The following NCKAP5 variants were observed in gnomAD, a reference collection of about 807,000 sequenced individuals.
The protein encoded by NCKAP5 is nck-associated protein 5.
In NCKAP5, 92 loss-of-function variants were observed where a neutral mutation model predicts 167.0. The ratio of observed to expected loss-of-function variants is 0.55; its 90% confidence interval spans 0.47 to 0.66. The LOEUF is 0.66. NCKAP5 is among the 30% of genes least tolerant of loss of function. The pLI, the probability that NCKAP5 is intolerant of heterozygous loss-of-function variation, is 0.00. For synonymous variants in NCKAP5, 891 were observed against 877.4 expected (o/e 1.02, Z -0.27); for missense variants, 2,378 against 2,315.0 (o/e 1.03, Z -0.56).
At chr2:133,447,115 T>G (rs1417235326) in intron 3 of NCKAP5, among the ~76,000 whole-genome samples, 1 of 152,130 alleles carries the variant, frequency 6.6e-6, no homozygotes, top group Non-Finnish European at 1.5e-5. Context: ...TATGGCTTCA[T>G]GGGAGGAACA....
chr2:132,993,798 G>A (rs750539265), intron 7 of NCKAP5, among the ~76,000 whole-genome samples: 9 of 152,134 alleles, frequency 5.9e-5, no homozygotes, highest in Non-Finnish European at 8.8e-5. Context: ...CACCTCCTCA[G>A]CCAAGATGAG....
chr2:132,793,799 C>A (rs139200827), intron 12 of NCKAP5, among the ~76,000 whole-genome samples: 3,702 of 152,166 alleles, frequency 0.024, 67 homozygotes, highest in Non-Finnish European at 0.039. Context: ...GAGGAGGCGG[C>A]CACTCTTTTC....
intron 6 of NCKAP5, among the ~76,000 whole-genome samples, chr2:132,995,147 G>A (rs1204634177): frequency 6.6e-5 from 10 of 151,940 alleles, no homozygotes; most frequent in African/African-American, 2.2e-4. Flanking sequence ...TCTAAACACT[G>A]CAAACTTACA....
intron 3 of NCKAP5, among the ~76,000 whole-genome samples, chr2:133,504,583 C>T (rs2151397755): frequency 6.6e-6 from 1 of 152,122 alleles, no homozygotes; most frequent in African/African-American, 2.4e-5. Flanking sequence ...TTTTGGCATG[C>T]TTATGTAGGT....
chr2:133,157,229 C>A (rs762871209), intron 5 of NCKAP5, among the ~76,000 whole-genome samples: 3 of 152,172 alleles, frequency 2.0e-5, no homozygotes, highest in Non-Finnish European at 4.4e-5. Flanking sequence ...AACAAGCGGG[C>A]CCATCAAATG....
At chr2:132,800,981 A>T (rs73955904) in intron 11 of NCKAP5, among the ~76,000 whole-genome samples, 8,346 of 152,184 alleles carry the variant, frequency 0.055, 449 homozygotes, top group East Asian at 0.13. Context: ...TGCATTTCCC[A>T]GCCTCCTTTA....
chr2:132,701,523 ACTG>A (rs142983300), intron 19 of NCKAP5, among the ~76,000 whole-genome samples: 10 of 151,656 alleles, frequency 6.6e-5, no homozygotes, highest in Non-Finnish European at 8.8e-5. Flanking sequence ...TACATCAGAT[ACTG>A]CTGCTGCTGC....
intron 5 of NCKAP5, among the ~76,000 whole-genome samples, chr2:133,186,684 CTG>C (rs1283528748): frequency 3.3e-5 from 5 of 152,038 alleles, no homozygotes; most frequent in African/African-American, 9.6e-5. Flanking sequence ...TCTTGGGAGG[CTG>C]TGTGTTTCCA....
intron 6 of NCKAP5, among the ~76,000 whole-genome samples, chr2:132,998,830 GGTT>G (rs2077689558): frequency 6.6e-6 from 1 of 152,000 alleles, no homozygotes; most frequent in African/African-American, 2.4e-5. Flanking sequence ...CTCTCCCTCT[GGTT>G]CAGGCTTGGG....
chr2:133,116,213 C>A (rs1261075910), intron 6 of NCKAP5, among the ~76,000 whole-genome samples: 2 of 86,200 alleles, frequency 2.3e-5, no homozygotes, highest in Non-Finnish European at 4.3e-5. Context: ...TGTGGCCGGG[C>A]GCGGTGGCTC....
At chr2:133,407,619 C>T (rs1688520801) in intron 3 of NCKAP5, among the ~76,000 whole-genome samples, 1 of 152,214 alleles carries the variant, frequency 6.6e-6, no homozygotes, top group South Asian at 2.1e-4. Context: ...ATGAGCATCC[C>T]TCAGGCTCCC....
chr2:133,031,042 T>C (rs1298598710), intron 6 of NCKAP5, among the ~76,000 whole-genome samples: 4 of 152,112 alleles, frequency 2.6e-5, no homozygotes, highest in African/African-American at 9.7e-5. Context: ...CAGAGTAAGA[T>C]GGTGGAATAC....
chr2:133,146,966 A>G (rs1014556299), intron 5 of NCKAP5, among the ~76,000 whole-genome samples: 2 of 152,138 alleles, frequency 1.3e-5, no homozygotes, highest in Non-Finnish European at 2.9e-5. Context: ...GGCATTTACA[A>G]TTTTTATTAG....
At chr2:133,086,785 A>G (rs1472423956) in intron 6 of NCKAP5, among the ~76,000 whole-genome samples, 2 of 152,228 alleles carry the variant, frequency 1.3e-5, no homozygotes, top group Non-Finnish European at 2.9e-5. Flanking sequence ...AGCCTGGGAA[A>G]CAACTACTAA....
intron 3 of NCKAP5, among the ~76,000 whole-genome samples, chr2:133,473,723 A>C (rs547898723): frequency 7.9e-5 from 12 of 152,204 alleles, no homozygotes; most frequent in Admixed American, 2.6e-4. Flanking sequence ...TGTGGTTTCT[A>C]TCTGCTTTCA....
At chr2:132,902,464 T>G (rs1693698408) in intron 8 of NCKAP5, among the ~76,000 whole-genome samples, 2 of 152,332 alleles carry the variant, frequency 1.3e-5, no homozygotes, top group South Asian at 4.1e-4. Context: ...TGCCTTGCTA[T>G]TCACATAAAA....
At chr2:133,351,812 T>G (rs1684383548) in intron 3 of NCKAP5, among the ~76,000 whole-genome samples, 1 of 152,102 alleles carries the variant, frequency 6.6e-6, no homozygotes, top group South Asian at 2.1e-4. Context: ...CCTCAAAATA[T>G]ATTCAGTATC....
intron 8 of NCKAP5, among the ~76,000 whole-genome samples, chr2:132,921,170 A>C (rs894192639): frequency 6.6e-6 from 1 of 151,920 alleles, no homozygotes; most frequent in Non-Finnish European, 1.5e-5. Context: ...TGAATCCTCA[A>C]AGTAAGCCCC....
intron 6 of NCKAP5, among the ~76,000 whole-genome samples, chr2:133,086,605 G>A (rs1234935637): frequency 6.6e-6 from 1 of 152,088 alleles, no homozygotes; most frequent in Non-Finnish European, 1.5e-5. Context: ...TCATGCCACT[G>A]CACTCCAGCC....
Sources: gnomAD v4.1 joint callset for allele counts (sites outside exome capture counted in the v4.1 genomes callset) on GRCh38, gnomAD v4.1.1 for gene constraint, MANE v1.5 for transcripts, NCBI Gene and HGNC (gene_info 2026-07-23, HGNC 2026-07-21) for gene names.